The following KSR2 variants were observed in gnomAD, a reference collection of about 807,000 sequenced individuals.
KSR2 encodes kinase suppressor of ras 2.
KSR2 carries 25 observed loss-of-function variants against 107.8 expected under a neutral mutation model. The ratio of observed to expected loss-of-function variants is 0.23; its 90% CI spans 0.17 to 0.32. The LOEUF is 0.32. Ranked by LOEUF, KSR2 falls within the 10% of genes least tolerant of loss-of-function variation. KSR2 has a pLI of 1.00. For synonymous variants in KSR2, 480 were observed against 507.0 expected (o/e 0.95, Z 0.71); for missense variants, 887 against 1,268.9 (o/e 0.70, Z 4.57).
chr12:117,577,179 G>T (rs1417623253), intron 7 of KSR2, among the ~76,000 whole-genome samples: 1 of 152,156 alleles, frequency 6.6e-6, no homozygotes, highest in African/African-American at 2.4e-5. Context: ...CCTCTGCCTG[G>T]ACTAGACAAG....
chr12:117,786,182 A>G (rs1402331344), intron 3 of KSR2, among the ~76,000 whole-genome samples: 1 of 152,170 alleles, frequency 6.6e-6, no homozygotes, highest in Non-Finnish European at 1.5e-5. Context: ...TTGCAGATAA[A>G]TTTTGACATT....
At chr12:117,800,269 G>A (rs1483147356) in intron 3 of KSR2, among the ~76,000 whole-genome samples, 1 of 152,094 alleles carries the variant, frequency 6.6e-6, no homozygotes, top group Non-Finnish European at 1.5e-5. Flanking sequence ...TTATGAGCTG[G>A]TTTATTGAGC....
intron 3 of KSR2, among the ~76,000 whole-genome samples, chr12:117,815,977 A>C (rs2084183): frequency 0.1 from 15,439 of 148,094 alleles, 1,208 homozygotes; most frequent in East Asian, 0.28. Flanking sequence ...TCTGTCTCAA[A>C]AAAAAAAAAT....
chr12:117,772,523 ACACT>A (rs749636485), intron 3 of KSR2, among the ~76,000 whole-genome samples: 31 of 147,702 alleles, frequency 2.1e-4, no homozygotes, highest in Admixed American at 8.1e-4. Context: ...AGACGCACAC[ACACT>A]CATACATACA....
chr12:117,679,306 G>A (rs1416720076), intron 4 of KSR2, among the ~76,000 whole-genome samples: 1 of 152,100 alleles, frequency 6.6e-6, no homozygotes, highest in African/African-American at 2.4e-5. Flanking sequence ...TAACTCATGC[G>A]GTCCTCACAA....
chr12:117,788,308 T>G (rs1241749517), intron 3 of KSR2, among the ~76,000 whole-genome samples: 1 of 152,176 alleles, frequency 6.6e-6, no homozygotes, highest in Non-Finnish European at 1.5e-5. Flanking sequence ...TTACAGAAGG[T>G]AACTTCAAAT....
intron 1 of KSR2, among the ~76,000 whole-genome samples, chr12:117,942,680 G>T (rs1224819709): frequency 4.9e-5 from 7 of 143,468 alleles, no homozygotes; most frequent in Admixed American, 7.0e-5. Context: ...TTTTTTTTTT[G>T]GAGAAACAAG....
chr12:117,953,060 T>C (rs1896411613), intron 1 of KSR2, among the ~76,000 whole-genome samples: 1 of 150,924 alleles, frequency 6.6e-6, no homozygotes, highest in South Asian at 2.1e-4. Context: ...AAAGAAGCTA[T>C]ACAGATGGCC....
At chr12:117,933,317 G>A (rs186556926) in intron 1 of KSR2, among the ~76,000 whole-genome samples, 103 of 152,244 alleles carry the variant, frequency 6.8e-4, no homozygotes, top group Admixed American at 2.0e-3. Flanking sequence ...TTGGCCAGCC[G>A]TGGTGGCTCA....
At position 117,816,750 on chromosome 12, in the gene KSR2, A is replaced by G. The variant is rs546287164; in HGVS notation, c.472+38678T>C. On this transcript the variant is annotated intron_variant, in intron 3 of 19. Coordinates refer to ENST00000339824, the MANE Select transcript of KSR2 (RefSeq NM_173598.6). ...CAGCTGCGTCCACTGAGTGTTTACT[A>G]GAAGGCAGGGCATTATTTTGGTTAA... Among the ~76,000 whole-genome samples, 3 of 152,310 alleles carry G rather than the reference A, an allele frequency of 2.0e-5. No homozygotes were observed. The East Asian group carries it at 5.8e-4, about 30-fold the overall frequency.
intron 4 of KSR2, among the ~76,000 whole-genome samples, chr12:117,748,460 AAAT>A (rs1429189597): frequency 2.0e-5 from 3 of 152,212 alleles, no homozygotes; most frequent in Non-Finnish European, 4.4e-5. Context: ...CATCACAAAA[AAAT>A]AATAAGTATG....
intron 14 of KSR2, among the ~76,000 whole-genome samples, chr12:117,493,011 G>T (rs1872829098): frequency 6.6e-6 from 1 of 152,134 alleles, no homozygotes; most frequent in South Asian, 2.1e-4. Context: ...CTGACTTTCA[G>T]AACCATGTTC....
chr12:117,821,130 A>G (rs1364152795), intron 3 of KSR2, among the ~76,000 whole-genome samples: 1 of 152,206 alleles, frequency 6.6e-6, no homozygotes, highest in African/African-American at 2.4e-5. Context: ...GGAGGATTAA[A>G]TGAGATAATG....
chr12:117,587,183 C>T (rs2136256949), intron 5 of KSR2, among the ~76,000 whole-genome samples: 1 of 152,304 alleles, frequency 6.6e-6, no homozygotes, highest in Admixed American at 6.5e-5. Flanking sequence ...GTCCTGATCC[C>T]TGGAACCTGG....
chr12:117,837,574 A>G (rs1396630370), intron 3 of KSR2, among the ~76,000 whole-genome samples: 2 of 152,004 alleles, frequency 1.3e-5, no homozygotes, highest in African/African-American at 4.8e-5. Context: ...GAAAGCAACA[A>G]TGCAGCCCTG....
intron 18 of KSR2, 98 bp from the exon 19 acceptor site, chr12:117,469,893 C>T (rs1871334358): frequency 4.2e-6 from 5 of 1,194,196 alleles, no homozygotes; most frequent in African/African-American, 1.5e-5. Context: ...ACTCATCTGC[C>T]CCATTTCCAT....
At chr12:117,609,466 T>C (rs1026941056) in intron 5 of KSR2, among the ~76,000 whole-genome samples, 1 of 152,250 alleles carries the variant, frequency 6.6e-6, no homozygotes, top group African/African-American at 2.4e-5. Context: ...TTTTATTTTT[T>C]GTATGGCTGC....
At chr12:117,947,901 G>A (rs1276204835) in intron 1 of KSR2, among the ~76,000 whole-genome samples, 2 of 152,042 alleles carry the variant, frequency 1.3e-5, no homozygotes, top group Non-Finnish European at 1.5e-5. Flanking sequence ...GACATACCAC[G>A]TTCATAGTTT....
Position 117,453,760 on chromosome 12 carries a change from C to T in KSR2, c.*13439G>A, listed in dbSNP as rs1870452337. The T allele has an allele frequency of 6.6e-6, 1 of 152,188 alleles. No homozygotes were observed. The highest frequency in any genetic ancestry group is 1.5e-5 in the Non-Finnish European group (1 of 68,042). The allele number at this position is 152,188 out of a possible 1,614,324, so 9.4% of individuals were successfully genotyped here. ...GGCTTGGGGTGGAAACGTTGACCAC[C>T]TAAGTCTGGGATCTTCTCTGCCTGG... On this transcript the variant is annotated 3_prime_UTR_variant, in exon 20 of 20. Transcript: ENST00000339824.
Sources: allele counts gnomAD v4.1 joint callset (sites outside exome capture counted in the v4.1 genomes callset), GRCh38; gene constraint gnomAD v4.1.1; transcripts MANE v1.5; gene names NCBI Gene and HGNC (gene_info 2026-07-23, HGNC 2026-07-21).